Variants in ZNF451 observed in about 807,000 individuals in gnomAD.
ZNF451 encodes the protein zinc finger protein 451.
A neutral mutation model predicts 107.1 loss-of-function variants in ZNF451; 80 were observed. The ratio of observed to expected loss-of-function variants is 0.75; its 90% confidence interval spans 0.62 to 0.90. ZNF451 has a LOEUF of 0.90. Ranked by LOEUF, ZNF451 falls within the 40% of genes least tolerant of loss-of-function variation. ZNF451 has a pLI of 0.00. For synonymous variants in ZNF451, 362 were observed against 406.5 expected (o/e 0.89, Z 1.32); for missense variants, 1,107 against 1,236.2 (o/e 0.90, Z 1.57).
intron 13 of ZNF451, among the ~76,000 whole-genome samples, chr6:57,157,955 C>T (rs768456574): frequency 6.6e-6 from 1 of 152,168 alleles, no homozygotes; most frequent in African/African-American, 2.4e-5. Flanking sequence ...ATGTTAACTG[C>T]TTTTTATGTT....
intron 11 of ZNF451, among the ~76,000 whole-genome samples, chr6:57,151,582 TAGC>T (rs1353752768): frequency 6.6e-6 from 1 of 152,132 alleles, no homozygotes; most frequent in Non-Finnish European, 1.5e-5. Context: ...AACTAATAAA[TAGC>T]AGAATTATTT....
intron 3 of ZNF451, chr6:57,105,825 T>A (rs1452792851): frequency 7.1e-6 from 7 of 985,414 alleles, no homozygotes; most frequent in Non-Finnish European, 8.4e-6. Context: ...GTAAATTTGC[T>A]GACACTTTTA....
intron 3 of ZNF451, among the ~76,000 whole-genome samples, chr6:57,118,226 T>G (rs1830463874): frequency 1.3e-5 from 2 of 152,084 alleles, no homozygotes. Context: ...TTTTTTTTTT[T>G]GGTAGGTAAA....
At chr6:57,138,741 A>ATATATATATATATGTGTGTGTG in intron 7 of ZNF451, among the ~76,000 whole-genome samples, 1 of 46,600 alleles carries the variant, frequency 2.1e-5, no homozygotes, top group African/African-American at 9.2e-5. Flanking sequence ...ATATATATAT[A>ATATATATATATATGTGTGTGTG]TGTGTGTGTG....
intron 14 of ZNF451, among the ~76,000 whole-genome samples, chr6:57,162,242 C>T (rs971800868): frequency 3.9e-5 from 6 of 152,150 alleles, no homozygotes; most frequent in Non-Finnish European, 7.4e-5. Context: ...TAAACACACA[C>T]AAACAGAATG....
At chr6:57,102,942 A>G (rs978118555) in intron 3 of ZNF451, 2 of 985,456 alleles carry the variant, frequency 2.0e-6, no homozygotes, top group East Asian at 1.1e-4. Context: ...TCTCGTATCA[A>G]GCTGTAAGAC....
At chr6:57,109,361 G>T (rs1274931767) in intron 3 of ZNF451, 2 of 985,070 alleles carry the variant, frequency 2.0e-6, no homozygotes, top group Non-Finnish European at 2.4e-6. Context: ...AAAAAGGAAT[G>T]GTGCAAAGCA....
intron 2 of ZNF451, among the ~76,000 whole-genome samples, chr6:57,097,449 C>A (rs1181678199): frequency 6.6e-6 from 1 of 152,208 alleles, no homozygotes; most frequent in African/African-American, 2.4e-5. Context: ...GTGTTCCTTT[C>A]TTTTGTTTCC....
At chr6:57,146,498 A>G (rs1333520044) in intron 9 of ZNF451, among the ~76,000 whole-genome samples, 1 of 152,128 alleles carries the variant, frequency 6.6e-6, no homozygotes, top group Non-Finnish European at 1.5e-5. Context: ...GTCAAGTTTT[A>G]TCAGCACCAT....
chr6:57,109,953 G>T (rs1246141728), intron 3 of ZNF451, among the ~76,000 whole-genome samples: 1 of 152,216 alleles, frequency 6.6e-6, no homozygotes, highest in African/African-American at 2.4e-5. Flanking sequence ...ATAAGAGATG[G>T]TATATTCTCC....
intron 7 of ZNF451, among the ~76,000 whole-genome samples, chr6:57,138,597 T>C (rs1266170433): frequency 6.6e-6 from 1 of 150,380 alleles, no homozygotes; most frequent in East Asian, 1.9e-4. Context: ...TATGGTGTCT[T>C]TTAATGTAAC....
chr6:57,123,980 G>A (rs74663812), intron 3 of ZNF451, among the ~76,000 whole-genome samples: 16 of 152,170 alleles, frequency 1.1e-4, no homozygotes, highest in Admixed American at 9.2e-4. Flanking sequence ...TTCGCAATCT[G>A]TGTATCTTTT....
chr6:57,159,222 T>C (rs1593172826), intron 13 of ZNF451: 2 of 985,416 alleles, frequency 2.0e-6, no homozygotes, highest in Non-Finnish European at 2.4e-6. Context: ...TTTTATGATA[T>C]TAATATTTGC....
At chr6:57,111,374 T>G (rs542399375) in intron 3 of ZNF451, among the ~76,000 whole-genome samples, 24 of 151,334 alleles carry the variant, frequency 1.6e-4, no homozygotes, top group Admixed American at 1.2e-3. Context: ...TTTTTTTGTT[T>G]TTTTTTTTTT....
At chr6:57,137,517 C>T (rs536242659) in intron 7 of ZNF451, among the ~76,000 whole-genome samples, 3 of 152,302 alleles carry the variant, frequency 2.0e-5, no homozygotes, top group East Asian at 1.9e-4. Flanking sequence ...CCATTGCTGT[C>T]GTTCCTTGAG....
At chr6:57,126,549 G>A (rs1169146259) in intron 4 of ZNF451, 2 of 152,024 alleles carry the variant, frequency 1.3e-5, no homozygotes, top group South Asian at 4.1e-4. Flanking sequence ...TGAATTGTTG[G>A]TGTCTTCACT....
At chr6:57,114,583 A>G (rs934976238) in intron 3 of ZNF451, among the ~76,000 whole-genome samples, 4 of 152,310 alleles carry the variant, frequency 2.6e-5, no homozygotes, top group African/African-American at 9.6e-5. Context: ...CATTATACAT[A>G]TAGGGACAAA....
In ZNF451 at chr6:57,128,758, G is replaced by A. The variant is rs1349628417; in HGVS notation, c.342G>A (p.Gly114=). The A allele has an allele frequency of 6.2e-7, 1 of 1,612,270 alleles. No homozygotes were observed. The highest frequency in any genetic ancestry group is 1.7e-5 in the Admixed American group (1 of 59,828). Reference sequence around the variant, plus strand: ...AAATTGATTTTCAGCATGCTCATGGGTTACAAGAATTGGAATTTATTCGAG... The same window carrying A: ...AAATTGATTTTCAGCATGCTCATGGATTACAAGAATTGGAATTTATTCGAG... ...REKIDFQHAH[G]LQELEFIRGH... Residue 114 remains glycine, a synonymous_variant, in exon 5 of 15, where the codon GGG becomes GGA. Coordinates refer to ENST00000370706, the MANE Select transcript of ZNF451 (RefSeq NM_001031623.3).
At chr6:57,127,023 G>A (rs1263887500) in intron 4 of ZNF451, among the ~76,000 whole-genome samples, 1 of 152,090 alleles carries the variant, frequency 6.6e-6, no homozygotes, top group African/African-American at 2.4e-5. Context: ...ATTGATTCTT[G>A]CAAGGAACTT....
Sources: allele counts gnomAD v4.1 joint callset (sites outside exome capture counted in the v4.1 genomes callset), GRCh38; gene constraint gnomAD v4.1.1; transcripts MANE v1.5; gene names NCBI Gene and HGNC (gene_info 2026-07-23, HGNC 2026-07-21).